Variants in NDUFS4 observed in about 807,000 individuals in gnomAD.
NDUFS4 encodes NADH dehydrogenase [ubiquinone] iron-sulfur protein 4, mitochondrial.
A neutral mutation model predicts 24.3 loss-of-function variants in NDUFS4; 28 were observed. The observed-to-expected ratio is 1.15, with a 90% CI of 0.85 to 1.58. The LOEUF (loss-of-function observed/expected upper bound fraction) is 1.58. Among genes scored for constraint, NDUFS4 ranks in the 40% most tolerant of loss-of-function variants. NDUFS4 has a pLI of 0.00. For missense variants in NDUFS4, 223 were observed against 207.9 expected (o/e 1.07, Z -0.45); for synonymous variants, 93 against 69.7 (o/e 1.34, Z -1.67).
chr5:53,562,593 A>G (rs989362948), intron 1 of NDUFS4, among the ~76,000 whole-genome samples: 3 of 152,180 alleles, frequency 2.0e-5, no homozygotes, highest in African/African-American at 7.2e-5. Context: ...ATGCCAGGGA[A>G]GACGTTTTTT....
At chr5:53,598,704 A>G (rs777736326) in intron 1 of NDUFS4, among the ~76,000 whole-genome samples, 3 of 152,222 alleles carry the variant, frequency 2.0e-5, no homozygotes, top group Non-Finnish European at 4.4e-5. Flanking sequence ...AAATCTCACC[A>G]AACTGTTTTA....
intron 1 of NDUFS4, among the ~76,000 whole-genome samples, chr5:53,591,084 C>T (rs1358741774): frequency 6.6e-6 from 1 of 152,154 alleles, no homozygotes; most frequent in Non-Finnish European, 1.5e-5. Context: ...CATGGTTCTT[C>T]CATGGTGTAG....
intron 2 of NDUFS4, among the ~76,000 whole-genome samples, chr5:53,611,711 G>A (rs895965186): frequency 6.6e-6 from 1 of 152,032 alleles, no homozygotes; most frequent in Admixed American, 6.6e-5. Flanking sequence ...GAGGAGCTGT[G>A]CCATGAGGTT....
At chr5:53,668,395 A>G (rs1752576480) in intron 4 of NDUFS4, among the ~76,000 whole-genome samples, 2 of 152,160 alleles carry the variant, frequency 1.3e-5, no homozygotes, top group Non-Finnish European at 2.9e-5. Context: ...AAGATTGTAG[A>G]AAATCAATAC....
chr5:53,676,816 CAAAT>C (rs1253255564), intron 4 of NDUFS4, among the ~76,000 whole-genome samples: 1 of 152,044 alleles, frequency 6.6e-6, no homozygotes, highest in African/African-American at 2.4e-5. Flanking sequence ...TTAGGAGTCA[CAAAT>C]AAACTTTACG....
chr5:53,635,289 G>A (rs111438295), intron 2 of NDUFS4, among the ~76,000 whole-genome samples: 62 of 151,708 alleles, frequency 4.1e-4, no homozygotes, highest in African/African-American at 1.3e-3. Context: ...GCAGGCTGAG[G>A]CGGGTGGATT....
intron 2 of NDUFS4, among the ~76,000 whole-genome samples, chr5:53,626,492 C>T (rs1302421392): frequency 6.6e-6 from 1 of 152,200 alleles, no homozygotes; most frequent in Non-Finnish European, 1.5e-5. Context: ...TTTACACTTC[C>T]ACCAACAATG....
chr5:53,578,019 A>G (rs1252147554), intron 1 of NDUFS4, among the ~76,000 whole-genome samples: 1 of 152,190 alleles, frequency 6.6e-6, no homozygotes, highest in Non-Finnish European at 1.5e-5. Flanking sequence ...GCTGCCTTTT[A>G]GTCTTGCTCC....
chr5:53,563,801 C>T (rs1029279714), intron 1 of NDUFS4, among the ~76,000 whole-genome samples: 2 of 152,194 alleles, frequency 1.3e-5, no homozygotes, highest in Non-Finnish European at 2.9e-5. Flanking sequence ...CGCGCCCATC[C>T]CTAAGTTGTC....
intron 3 of NDUFS4, 110 bp downstream of exon 3, chr5:53,646,515 C>G (rs1751870028): frequency 9.0e-7 from 1 of 1,114,746 alleles, no homozygotes; most frequent in South Asian, 1.3e-5. Flanking sequence ...TATGACAGTA[C>G]TTTTTGACGC....
rs1392649313 is a variant in NDUFS4 at position 53,683,194 on chromosome 5, C to CAAAAG, written c.504_508dup (p.Thr170LysfsTer21). ...CTTATGGTGCAAACTTTTCTTGGAA[C>CAAAAG]AAAAGAACAAGAGTATCCACAAAAT... is the stretch of plus-strand genomic sequence containing the variant. On this transcript the variant is annotated frameshift_variant, in exon 5 of 5. Transcript: ENST00000296684. LOFTEE classifies it high-confidence loss of function. The CAAAAG allele has an allele frequency of 3.7e-6, 6 of 1,610,812 alleles. No homozygotes were observed. The African/African-American group carries it at 5.4e-5, about 14-fold the overall frequency.
intron 1 of NDUFS4, 69 bp from the exon 2 acceptor site, chr5:53,603,383 T>A: frequency 9.2e-7 from 1 of 1,089,696 alleles, no homozygotes; most frequent in Non-Finnish European, 1.4e-6. Context: ...GTAGCTTGTT[T>A]ATGTAAGATT....
At chr5:53,663,963 G>A (rs1327294911) in intron 4 of NDUFS4, among the ~76,000 whole-genome samples, 1 of 150,378 alleles carries the variant, frequency 6.6e-6, no homozygotes, top group East Asian at 1.9e-4. Flanking sequence ...GTTTGCAGTG[G>A]CTGGTACTTG....
chr5:53,581,353 T>C (rs1468224761), intron 1 of NDUFS4, among the ~76,000 whole-genome samples: 1 of 152,136 alleles, frequency 6.6e-6, no homozygotes, highest in Non-Finnish European at 1.5e-5. Context: ...AGTCTCAGTT[T>C]GTTCTCCATG....
rs546670830 is a variant in NDUFS4, at chr5:53,601,874, A to C, written c.99-1578A>C. Among the ~76,000 whole-genome samples, 58 of 152,168 alleles carry C rather than the reference A, an allele frequency of 3.8e-4. 1 individual carries two copies. Among genetic ancestry groups the C allele is most frequent in the Non-Finnish European group, 4.6e-4 (31 of 68,022 alleles). ...CTCAGTATTGCAGTGCTTGTGTTCA[A>C]GTAACCTTTATTTTACTTAATTGAT... On this transcript the variant is annotated intron_variant, in intron 1 of 4. Coordinates refer to ENST00000296684, the MANE Select transcript of NDUFS4 (RefSeq NM_002495.4).
chr5:53,643,185 C>A (rs914891172), intron 2 of NDUFS4, among the ~76,000 whole-genome samples: 8 of 151,950 alleles, frequency 5.3e-5, no homozygotes, highest in African/African-American at 1.9e-4. Context: ...GAAGGCTTTT[C>A]ATACCTATGT....
intron 2 of NDUFS4, among the ~76,000 whole-genome samples, chr5:53,635,555 T>C (rs1326511747): frequency 1.3e-5 from 2 of 152,070 alleles, no homozygotes; most frequent in African/African-American, 4.8e-5. Context: ...AAAAGAATCC[T>C]GAAGTATTGG....
At chr5:53,666,940 TAATA>T (rs1183504179) in intron 4 of NDUFS4, among the ~76,000 whole-genome samples, 1 of 151,706 alleles carries the variant, frequency 6.6e-6, no homozygotes, top group Non-Finnish European at 1.5e-5. Context: ...TCTCAAAAAA[TAATA>T]AATAAATAAA....
intron 4 of NDUFS4, among the ~76,000 whole-genome samples, chr5:53,674,273 TTCTTC>T (rs1168723626): frequency 2.6e-5 from 4 of 152,210 alleles, no homozygotes; most frequent in African/African-American, 9.7e-5. Flanking sequence ...TTTGTTCAGA[TTCTTC>T]TCTTAAGTCC....
Sources: allele counts gnomAD v4.1 joint callset (sites outside exome capture counted in the v4.1 genomes callset), GRCh38; gene constraint gnomAD v4.1.1; transcripts MANE v1.5; gene names NCBI Gene and HGNC (gene_info 2026-07-23, HGNC 2026-07-21).